Variants in RBFOX1 observed in about 807,000 individuals in gnomAD.
The protein encoded by RBFOX1 is RNA binding protein fox-1 homolog 1.
RBFOX1 carries 8 observed loss-of-function variants against 57.7 expected under a neutral mutation model. The observed-to-expected ratio is 0.14, with a 90% CI of 0.08 to 0.25. The LOEUF is 0.25. Among genes scored for constraint, RBFOX1 ranks in the 10% least tolerant of loss-of-function variants. The probability of loss-of-function intolerance (pLI) is 1.00; values close to 1 mark genes in which losing one functional copy is unlikely to be tolerated. For missense variants in RBFOX1, 611 were observed against 548.5 expected (o/e 1.11, Z -1.14); for synonymous variants, 326 against 222.4 (o/e 1.47, Z -4.15).
intron 3 of RBFOX1, among the ~76,000 whole-genome samples, chr16:5,631,306 C>A (rs1394079762): frequency 6.6e-6 from 1 of 152,170 alleles, no homozygotes; most frequent in African/African-American, 2.4e-5. Context: ...CGCCTGTAAT[C>A]CCAGCATTTT....
chr16:7,190,368 A>G (rs2085070254), intron 4 of RBFOX1, among the ~76,000 whole-genome samples: 1 of 152,170 alleles, frequency 6.6e-6, no homozygotes, highest in Non-Finnish European at 1.5e-5. Flanking sequence ...CATAAATAAA[A>G]TAAAAATAAT....
intron 2 of RBFOX1, among the ~76,000 whole-genome samples, chr16:6,509,707 C>T (rs182097026): frequency 1.3e-5 from 2 of 152,086 alleles, no homozygotes; most frequent in African/African-American, 2.4e-5. Flanking sequence ...GTTTGCAGCA[C>T]AAAAGATTAA....
At chr16:5,659,837 A>C (rs1441500591) in intron 3 of RBFOX1, among the ~76,000 whole-genome samples, 1 of 152,194 alleles carries the variant, frequency 6.6e-6, no homozygotes, top group Admixed American at 6.5e-5. Flanking sequence ...TTCACATCAC[A>C]TTGCAGTTGT....
chr16:6,411,563 G>T lies in RBFOX1; in HGVS notation c.-64+94506G>T, dbSNP rs114515330. Among the ~76,000 whole-genome samples, 1,352 of 152,172 alleles carry T rather than the reference G, an allele frequency of 8.9e-3. 20 individuals carry two copies. Among genetic ancestry groups the T allele is most frequent in the African/African-American group, 0.03 (1,258 of 41,516 alleles). ...GCAGACTGCTTTTTCTATGGCCATG[G>T]ACATTATGCAATTATTACCCGAGCT... On this transcript the variant is annotated intron_variant, in intron 2 of 15. Coordinates refer to ENST00000550418, the MANE Select transcript of RBFOX1 (RefSeq NM_018723.4).
In RBFOX1 at chr16:5,268,154, T is replaced by A. The variant is rs2062909697; in HGVS notation, c.219+28049T>A. 2.0e-5 allele frequency among the ~76,000 whole-genome samples: 3 copies of A among 152,074 alleles called. No homozygotes were observed. In the South Asian group the frequency reaches 6.2e-4, roughly 32 times the overall value. On this transcript the variant is annotated intron_variant, in intron 1 of 2. Transcript: ENST00000585867. ...ACACAAATTTGGTAAGAGCCCAAGG[T>A]CTGGCTGGGCAAGCACCTTGATCGG...
intron 1 of RBFOX1, among the ~76,000 whole-genome samples, chr16:6,188,321 T>G (rs1199350251): frequency 1.3e-5 from 2 of 151,604 alleles, no homozygotes; most frequent in Admixed American, 6.6e-5. Flanking sequence ...TTTTCTAAGT[T>G]TTTACCATGA....
intron 1 of RBFOX1, among the ~76,000 whole-genome samples, chr16:6,107,509 C>T (rs1024304212): frequency 6.6e-6 from 1 of 152,054 alleles, no homozygotes; most frequent in Non-Finnish European, 1.5e-5. Flanking sequence ...AATATATCCT[C>T]TATGTATTAA....
intron 3 of RBFOX1, among the ~76,000 whole-genome samples, chr16:5,756,223 C>CAAAAAAAAAAA (rs5815266): frequency 3.9e-5 from 2 of 50,950 alleles, no homozygotes; most frequent in Admixed American, 3.4e-4. Flanking sequence ...TCCACATAAG[C>CAAAAAAAAAAA]AAAAAAAAAA....
At chr16:5,907,289 G>C (rs565868364) in intron 4 of RBFOX1, among the ~76,000 whole-genome samples, 1 of 152,202 alleles carries the variant, frequency 6.6e-6, no homozygotes, top group South Asian at 2.1e-4. Context: ...CTCATCCTCT[G>C]TGCATGCCCC....
At position 7,224,464 on chromosome 16, in the gene RBFOX1, C is replaced by A. The variant is rs1431876297; in HGVS notation, c.27+172366C>A. On this transcript the variant is annotated intron_variant, in intron 4 of 15. Transcript: ENST00000550418. The stretch of plus-strand genomic sequence containing the variant: ...CATCACCAGCCCAGTGCTTCTCAGT[C>A]TTGGCTGCAAATGATCGAGCTATAA... 2.0e-5 allele frequency among the ~76,000 whole-genome samples: 3 copies of A among 152,130 alleles called. No individual in the cohort carries two copies. In the South Asian group the frequency reaches 6.2e-4, roughly 32 times the overall value.
At chr16:5,477,968 G>A (rs567443912) in intron 2 of RBFOX1, among the ~76,000 whole-genome samples, 6 of 152,226 alleles carry the variant, frequency 3.9e-5, no homozygotes, top group East Asian at 1.9e-4. Context: ...ACGCATCACC[G>A]TGGCCCACCT....
At chr16:6,366,336 A>G (rs886701678) in intron 2 of RBFOX1, among the ~76,000 whole-genome samples, 5 of 152,300 alleles carry the variant, frequency 3.3e-5, no homozygotes, top group Admixed American at 2.6e-4. Flanking sequence ...AAAGACTTCT[A>G]CATTCCTATT....
rs536344725 is a variant in RBFOX1 at position 7,695,894 on chromosome 16, A to G, written c.996-13162A>G. Among the ~76,000 whole-genome samples the G allele has an allele frequency of 2.6e-4, 39 of 152,230 alleles. No homozygotes were observed. In the Middle Eastern group the frequency reaches 0.017, roughly 67 times the overall value. On this transcript the variant is annotated intron_variant, in intron 14 of 15. Coordinates refer to ENST00000550418, the MANE Select transcript of RBFOX1 (RefSeq NM_018723.4). ...TGGATGTTATAACTGAAATTCTTAT[A>G]AAGAGGTGCTATTGTCACATTGATG... is the stretch of plus-strand genomic sequence containing the variant.
At chr16:5,304,835 T>TG (rs1249937907) in intron 1 of RBFOX1, among the ~76,000 whole-genome samples, 2 of 151,020 alleles carry the variant, frequency 1.3e-5, no homozygotes, top group African/African-American at 4.9e-5. Context: ...ATAAAGTGAT[T>TG]TTTTTCCCCC....
chr16:5,718,423 T>C (rs1462218099), intron 3 of RBFOX1, among the ~76,000 whole-genome samples: 1 of 152,136 alleles, frequency 6.6e-6, no homozygotes, highest in African/African-American at 2.4e-5. Flanking sequence ...TGAGTTTTGG[T>C]GTGGTTTGTT....
At chr16:7,096,766 T>G (rs977157588) in intron 4 of RBFOX1, among the ~76,000 whole-genome samples, 15 of 151,864 alleles carry the variant, frequency 9.9e-5, no homozygotes, top group Non-Finnish European at 2.1e-4. Flanking sequence ...AATCTATCTC[T>G]AGTAAAAATA....
At chr16:7,383,087 G>C (rs974583368) in intron 4 of RBFOX1, among the ~76,000 whole-genome samples, 1 of 152,030 alleles carries the variant, frequency 6.6e-6, no homozygotes, top group Admixed American at 6.6e-5. Flanking sequence ...ATATCCAGTT[G>C]ATCTTAGATT....
chr16:6,678,315 G>C (rs2058082173), intron 3 of RBFOX1, among the ~76,000 whole-genome samples: 1 of 152,138 alleles, frequency 6.6e-6, no homozygotes, highest in South Asian at 2.1e-4. Flanking sequence ...AGTAGAGATG[G>C]GGTTTCATCA....
chr16:6,091,377 C>T (rs994326790), intron 1 of RBFOX1, among the ~76,000 whole-genome samples: 1 of 152,192 alleles, frequency 6.6e-6, no homozygotes, highest in Admixed American at 6.5e-5. Context: ...CATTGTCATA[C>T]TCTCTCAACA....
Sources: allele counts gnomAD v4.1 joint callset (sites outside exome capture counted in the v4.1 genomes callset), GRCh38; gene constraint gnomAD v4.1.1; transcripts MANE v1.5; gene names NCBI Gene and HGNC (gene_info 2026-07-23, HGNC 2026-07-21).